Variants in MYO5B observed in about 807,000 individuals in gnomAD.
MYO5B encodes the protein myosin VB.
Under a neutral mutation model 229.3 loss-of-function variants are expected in MYO5B, and 143 were observed. The ratio of observed to expected loss-of-function variants is 0.62; its 90% CI spans 0.54 to 0.72. The LOEUF (loss-of-function observed/expected upper bound fraction) is 0.72, where lower values mean the gene tolerates loss of function less well. Among genes scored for constraint, MYO5B ranks in the 30% least tolerant of loss-of-function variants. MYO5B has a pLI of 0.00. For synonymous variants in MYO5B, 918 were observed against 885.2 expected (o/e 1.04, Z -0.66); for missense variants, 2,321 against 2,331.0 (o/e 1.00, Z 0.09).
At chr18:50,093,052 T>A (rs1182600224) in intron 1 of MYO5B, among the ~76,000 whole-genome samples, 1 of 152,042 alleles carries the variant, frequency 6.6e-6, no homozygotes, top group Non-Finnish European at 1.5e-5. Flanking sequence ...AGTAAGAAAC[T>A]ATGAACAATT....
intron 1 of MYO5B, among the ~76,000 whole-genome samples, chr18:50,101,486 T>A (rs2031654245): frequency 6.6e-6 from 1 of 152,144 alleles, no homozygotes; most frequent in African/African-American, 2.4e-5. Context: ...AGAAAATTTT[T>A]GCAATCTACC....
At chr18:49,939,889 G>A (rs2025294450) in intron 14 of MYO5B, among the ~76,000 whole-genome samples, 1 of 152,278 alleles carries the variant, frequency 6.6e-6, no homozygotes, top group Non-Finnish European at 1.5e-5. Context: ...CATTTCTCTA[G>A]CTGACATCAT....
intron 9 of MYO5B, among the ~76,000 whole-genome samples, chr18:49,977,056 C>T (rs1002530846): frequency 5.3e-5 from 8 of 152,236 alleles, no homozygotes; most frequent in Middle Eastern, 3.4e-3. Flanking sequence ...TAAGGCCTCG[C>T]GCTGTGAGTG....
intron 3 of MYO5B, among the ~76,000 whole-genome samples, chr18:50,039,323 GTTGTT>G (rs546398102): frequency 3.8e-4 from 58 of 152,210 alleles, no homozygotes; most frequent in South Asian, 6.2e-4. Flanking sequence ...AGTTTATTTC[GTTGTT>G]TTGTTTTGTT....
At chr18:50,104,261 A>G (rs2031711862) in intron 1 of MYO5B, among the ~76,000 whole-genome samples, 2 of 94,200 alleles carry the variant, frequency 2.1e-5, no homozygotes, top group African/African-American at 9.0e-5. Flanking sequence ...GGGGATCTAT[A>G]CATGATATAT....
intron 1 of MYO5B, among the ~76,000 whole-genome samples, chr18:50,194,119 T>C (rs193251350): frequency 2.0e-5 from 3 of 152,300 alleles, no homozygotes; most frequent in Non-Finnish European, 4.4e-5. Context: ...AAATTCACAA[T>C]GCTCTTCCCT....
chr18:50,040,102 C>G (rs1301423748), intron 3 of MYO5B, 41 bp downstream of exon 3: 1 of 1,605,700 alleles, frequency 6.2e-7, no homozygotes, highest in Non-Finnish European at 8.5e-7. Flanking sequence ...AGCTGGTAAG[C>G]ACTTTCCAAC....
At chr18:50,118,587 GGTTT>G (rs1400555686) in intron 1 of MYO5B, among the ~76,000 whole-genome samples, 4 of 151,672 alleles carry the variant, frequency 2.6e-5, no homozygotes, top group African/African-American at 9.7e-5. Context: ...ACAACGTGCA[GGTTT>G]GTTACATATG....
At chr18:49,869,022 C>T (rs2024428434) in intron 27 of MYO5B, among the ~76,000 whole-genome samples, 1 of 152,116 alleles carries the variant, frequency 6.6e-6, no homozygotes, top group Admixed American at 6.5e-5. Context: ...GTGCATGTAC[C>T]TGTGGGCAGC....
chr18:49,994,275 C>G (rs2025963946), intron 5 of MYO5B, among the ~76,000 whole-genome samples: 1 of 152,204 alleles, frequency 6.6e-6, no homozygotes, highest in African/African-American at 2.4e-5. Context: ...AGCACAGACT[C>G]TGTAGCACCC....
chr18:49,956,636 T>C (rs9954060), intron 12 of MYO5B, among the ~76,000 whole-genome samples: 57,875 of 151,952 alleles, frequency 0.38, 11,195 homozygotes, highest in South Asian at 0.51. Context: ...CTCCATAATA[T>C]GCAGCTGAAC....
At chr18:50,180,090 GA>G (rs2033051267) in intron 1 of MYO5B, among the ~76,000 whole-genome samples, 1 of 152,270 alleles carries the variant, frequency 6.6e-6, no homozygotes, top group Non-Finnish European at 1.5e-5. Flanking sequence ...ACCTGAAAAG[GA>G]AAAGCATGTT....
At chr18:50,176,498 C>A (rs907808968) in intron 1 of MYO5B, among the ~76,000 whole-genome samples, 1 of 152,166 alleles carries the variant, frequency 6.6e-6, no homozygotes, top group African/African-American at 2.4e-5. Context: ...TGTACCCAAG[C>A]TGTAAAAATA....
At chr18:50,152,640 A>T (rs1331676789) in intron 1 of MYO5B, among the ~76,000 whole-genome samples, 1 of 152,212 alleles carries the variant, frequency 6.6e-6, no homozygotes, top group Non-Finnish European at 1.5e-5. Context: ...GCAGGTAATC[A>T]ATTCATACAG....
chr18:50,118,623 TTTC>T (rs2032006246), intron 1 of MYO5B, among the ~76,000 whole-genome samples: 2 of 108,644 alleles, frequency 1.8e-5, no homozygotes, highest in Admixed American at 8.6e-5. Context: ...CATGTTGGCA[TTTC>T]TTTTTTTTTT....
rs138607091 is a variant in MYO5B, at chr18:50,010,550, T to A, written c.456-9139A>T. Among the ~76,000 whole-genome samples the A allele has an allele frequency of 9.9e-3, 1,505 of 152,324 alleles. 6 individuals are homozygous for A. The highest frequency in any genetic ancestry group is 0.017 in the Middle Eastern group (5 of 294). Reference sequence around the variant, plus strand: ...TACTCCTATATTCTGTGATTCCAGATCCAGGTTATATGGGAGCTGTATGAT... The same window carrying A: ...TACTCCTATATTCTGTGATTCCAGAACCAGGTTATATGGGAGCTGTATGAT... On this transcript the variant is annotated intron_variant, in intron 4 of 39. Transcript: ENST00000285039.
chr18:50,166,820 C>A (rs2032859044), intron 1 of MYO5B, among the ~76,000 whole-genome samples: 1 of 152,158 alleles, frequency 6.6e-6, no homozygotes, highest in East Asian at 1.9e-4. Context: ...ATTACAACTA[C>A]TTTTCCCAGC....
At chr18:49,849,101 G>A (rs2024167682) in intron 32 of MYO5B, among the ~76,000 whole-genome samples, 1 of 152,056 alleles carries the variant, frequency 6.6e-6, no homozygotes, top group Non-Finnish European at 1.5e-5. Context: ...GTCAGAGGGA[G>A]AGAACATTCT....
At chr18:50,077,441 C>T (rs1296653626) in intron 1 of MYO5B, among the ~76,000 whole-genome samples, 1 of 151,618 alleles carries the variant, frequency 6.6e-6, no homozygotes, top group Non-Finnish European at 1.5e-5. Context: ...GCTTAAACCT[C>T]ATGCCTACCA....
Sources: gnomAD v4.1 joint callset for allele counts (sites outside exome capture counted in the v4.1 genomes callset) on GRCh38, gnomAD v4.1.1 for gene constraint, MANE v1.5 for transcripts, NCBI Gene and HGNC (gene_info 2026-07-23, HGNC 2026-07-21) for gene names.